The following RNF19A variants were observed in gnomAD, a reference collection of about 807,000 sequenced individuals.
The protein encoded by RNF19A is E3 ubiquitin-protein ligase RNF19A.
RNF19A carries 32 observed loss-of-function variants against 75.7 expected under a neutral mutation model. The observed-to-expected ratio is 0.42, with a 90% CI of 0.32 to 0.57. The LOEUF is 0.57. Among genes scored for constraint, RNF19A ranks in the 20% least tolerant of loss-of-function variants. The pLI is 0.10. For missense variants in RNF19A, 782 were observed against 1,036.3 expected (o/e 0.75, Z 3.37); for synonymous variants, 335 against 345.2 (o/e 0.97, Z 0.33).
rs1476596116 is a variant in RNF19A at position 100,322,755 on chromosome 8, T to C, written c.-242-9383A>G. Among the ~76,000 whole-genome samples, 1 of 152,214 alleles carries C rather than the reference T, an allele frequency of 6.6e-6. No homozygotes were observed. Among genetic ancestry groups the C allele is most frequent in the East Asian group, 1.9e-4 (1 of 5,204 alleles). On this transcript the variant is annotated intron_variant, in intron 1 of 3. Coordinates refer to the RNF19A transcript ENST00000519527. The surrounding 1 kb of genome is among the most constrained non-coding windows in gnomAD (Gnocchi z 5.1). ...TAGATGTCATTGTAGGGTTACTAACTGGCCTAATTTCAAGATTGTGTTTCC... is the reference window on the plus strand; with the variant it reads ...TAGATGTCATTGTAGGGTTACTAACCGGCCTAATTTCAAGATTGTGTTTCC...
intron 2 of RNF19A, among the ~76,000 whole-genome samples, chr8:100,280,842 T>C (rs1264437147): frequency 6.6e-6 from 1 of 152,248 alleles, no homozygotes; most frequent in East Asian, 1.9e-4. Context: ...ATGACGTTCC[T>C]TTTGTGGGAG....
chr8:100,302,384 A>G (rs961425356), intron 1 of RNF19A, among the ~76,000 whole-genome samples: 1 of 152,236 alleles, frequency 6.6e-6, no homozygotes, highest in Admixed American at 6.5e-5. Context: ...CTGATTAATC[A>G]GAAGGCTGAA....
At chr8:100,276,192 G>A (rs1820500848) in intron 2 of RNF19A, among the ~76,000 whole-genome samples, 1 of 152,142 alleles carries the variant, frequency 6.6e-6, no homozygotes, top group African/African-American at 2.4e-5. Flanking sequence ...AAACTGGAAT[G>A]AGCCCAGATG....
Position 100,322,518 on chromosome 8 carries a change from A to T in RNF19A, c.-242-9146T>A, listed in dbSNP as rs1822477734. Among the ~76,000 whole-genome samples, 1 of 152,266 alleles carries T rather than the reference A, an allele frequency of 6.6e-6. No homozygotes were observed. The highest frequency in any genetic ancestry group is 2.4e-5 in the African/African-American group (1 of 41,476). On this transcript the variant is annotated intron_variant, in intron 1 of 3. Transcript: ENST00000519527. This position sits in a 1 kb window ranked among gnomAD's most constrained non-coding sequence, Gnocchi z 5.1. ...CATTTAAACTTTCTCCAAATTAGCA[A>T]TAAGGCTGTTTCATTTATGAGTTCA...
In RNF19A at chr8:100,268,775, T is replaced by C; in HGVS notation, c.1191+10A>G. ...TAAGATAATGGACTAACAAGAAGTATGCATTTTACCTTGCGGCCCACATAC... is the reference window on the plus strand; with the variant it reads ...TAAGATAATGGACTAACAAGAAGTACGCATTTTACCTTGCGGCCCACATAC... On this transcript the variant is annotated intron_variant, in intron 5 of 9. Coordinates refer to ENST00000341084, the MANE Select transcript of RNF19A (RefSeq NM_183419.4). The C allele has an allele frequency of 1.3e-6, 2 of 1,525,848 alleles. No homozygotes were observed. Among genetic ancestry groups the C allele is most frequent in the Non-Finnish European group, 8.9e-7 (1 of 1,128,964 alleles). 94.5% of individuals were successfully genotyped at this position (1,525,848 alleles called of 1,614,324 possible). A position where few individuals can be genotyped will look rare whatever the true frequency, so the allele number is the denominator to read the frequency against.
intron 1 of RNF19A, among the ~76,000 whole-genome samples, chr8:100,335,901 C>T (rs958228839): frequency 1.3e-5 from 2 of 152,210 alleles, no homozygotes; most frequent in Admixed American, 1.3e-4. Flanking sequence ...AGAGCCCACA[C>T]GTGACCCAAA....
intron 1 of RNF19A, among the ~76,000 whole-genome samples, chr8:100,299,778 A>G (rs1466079826): frequency 6.6e-6 from 1 of 152,164 alleles, no homozygotes; most frequent in African/African-American, 2.4e-5. Context: ...AAAAGAAAAA[A>G]AAAAGTATTA....
At chr8:100,297,164 A>C (rs1051617166) in intron 1 of RNF19A, among the ~76,000 whole-genome samples, 3 of 152,266 alleles carry the variant, frequency 2.0e-5, no homozygotes, top group Non-Finnish European at 2.9e-5. Flanking sequence ...ATCTATTTAA[A>C]GTCTATTAAT....
intron 1 of RNF19A, among the ~76,000 whole-genome samples, chr8:100,319,129 A>G (rs963016238): frequency 6.6e-6 from 1 of 152,254 alleles, no homozygotes; most frequent in Non-Finnish European, 1.5e-5. Context: ...GGAGTTTCCA[A>G]GACTCAAAGA....
At chr8:100,334,368 G>A (rs944755441) in intron 1 of RNF19A, among the ~76,000 whole-genome samples, 3 of 152,148 alleles carry the variant, frequency 2.0e-5, no homozygotes, top group African/African-American at 4.8e-5. Context: ...GGTAAGGCTC[G>A]ATAAACTGCT....
In RNF19A at chr8:100,264,339, T is replaced by A. The variant is rs1022336507; in HGVS notation, c.1307-144A>T. On this transcript the variant is annotated intron_variant, in intron 6 of 9. Transcript: ENST00000341084. This position sits in a 1 kb window ranked among gnomAD's most constrained non-coding sequence, Gnocchi z 4.7. The stretch of plus-strand genomic sequence containing the variant: ...AGTTGGCTGGAACATTTGCCAAAAG[T>A]AGATTTACCCAGTTGTTAAGCAAAT... 2 of 704,814 alleles carry A rather than the reference T, an allele frequency of 2.8e-6. No homozygotes were observed. The highest frequency in any genetic ancestry group is 2.7e-5 in the East Asian group (1 of 36,540). 43.7% of individuals were successfully genotyped at this position (704,814 alleles called of 1,614,324 possible).
Position 100,261,591 on chromosome 8 carries a change from T to G in RNF19A, c.1633A>C (p.Ser545Arg). Reference protein sequence around the residue: ...TASTMALAGASITGSLSGSAM... With the variant: ...TASTMALAGARITGSLSGSAM... ...CTTCCTGACAGACTCCCCGTTATAC[T>G]GGCTCCAGCTAGTGCCATGGTGCTG... Residue 545 changes from serine (S) to arginine (R), a missense_variant, in exon 8 of 10, where the codon AGT becomes CGT. Ser to Arg is a moderately radical substitution (Grantham distance 110). Around this residue, in one of 7 missense-constraint regions of RNF19A, gnomAD observed 442 missense variants for 541.6 expected, o/e 0.82. Coordinates refer to ENST00000341084, the MANE Select transcript of RNF19A (RefSeq NM_183419.4). The surrounding 1 kb of genome is among the most constrained non-coding windows in gnomAD (Gnocchi z 4.4). The G allele has an allele frequency of 1.2e-6, 2 of 1,614,132 alleles. No individual in the cohort carries two copies. The highest frequency in any genetic ancestry group is 2.2e-5 in the South Asian group (2 of 91,076).
intron 1 of RNF19A, among the ~76,000 whole-genome samples, chr8:100,328,267 G>A (rs965852977): frequency 2.0e-5 from 3 of 152,156 alleles, no homozygotes; most frequent in South Asian, 2.1e-4. Context: ...TTAGGACCTC[G>A]TGGCAGTGTT....
At position 100,324,075 on chromosome 8, in the gene RNF19A, A is replaced by T. The variant is rs774579617; in HGVS notation, c.-242-10703T>A. 1.6e-4 allele frequency among the ~76,000 whole-genome samples: 25 copies of T among 152,218 alleles called. No individual in the cohort carries two copies. Among genetic ancestry groups the T allele is most frequent in the Non-Finnish European group, 2.8e-4 (19 of 68,042 alleles). On this transcript the variant is annotated intron_variant, in intron 1 of 3. Coordinates refer to the RNF19A transcript ENST00000519527. This position sits in a 1 kb window ranked among gnomAD's most constrained non-coding sequence, Gnocchi z 4.2. ...ATGAGGGAAAAACTGAACAATTACT[A>T]CAGAGCTGTGATTTTGAGATGACTT... is the stretch of plus-strand genomic sequence containing the variant.
At position 100,332,206 on chromosome 8, in the gene RNF19A, A is replaced by C. The variant is rs1456563740; in HGVS notation, c.-243+3902T>G. Among the ~76,000 whole-genome samples, 1 of 152,082 alleles carries C rather than the reference A, an allele frequency of 6.6e-6. No individual in the cohort carries two copies. The highest frequency in any genetic ancestry group is 1.5e-5 in the Non-Finnish European group (1 of 68,014). ...TGGTTTGGCTCTGTGTCCCCATGTA[A>C]ATCTTATCTTGAATTGTAATCCCCA... On this transcript the variant is annotated intron_variant, in intron 1 of 3. Transcript: ENST00000519527. The surrounding 1 kb of genome is among the most constrained non-coding windows in gnomAD (Gnocchi z 4.8).
At chr8:100,327,241 A>ACTT (rs1180574032) in intron 1 of RNF19A, among the ~76,000 whole-genome samples, 4 of 116,368 alleles carry the variant, frequency 3.4e-5, no homozygotes, top group Non-Finnish European at 7.0e-5. Context: ...TTCAGCAATT[A>ACTT]CTTCTTTTTT....
At chr8:100,309,383 C>G (rs1265466334) in intron 1 of RNF19A, 2 of 985,772 alleles carry the variant, frequency 2.0e-6, no homozygotes, top group African/African-American at 1.7e-5. Flanking sequence ...TGCAGCGAGG[C>G]CCGGAAATCG....
At chr8:100,280,733 C>T (rs16898173) in intron 2 of RNF19A, among the ~76,000 whole-genome samples, 8,864 of 152,192 alleles carry the variant, frequency 0.058, 856 homozygotes, top group African/African-American at 0.2. Context: ...GTATTCAATC[C>T]TAACCATAAC....
upstream of RNF19A, among the ~76,000 whole-genome samples, chr8:100,312,010 A>C (rs1822307021): frequency 6.6e-6 from 1 of 152,194 alleles, no homozygotes; most frequent in African/African-American, 2.4e-5. Context: ...CCTCAGATTC[A>C]GGCTGTCCAA....
Sources: allele counts gnomAD v4.1 joint callset (sites outside exome capture counted in the v4.1 genomes callset), GRCh38; gene constraint gnomAD v4.1.1; regional missense constraint gnomAD v4.1.1; non-coding constraint Gnocchi (gnomAD v3.1); transcripts MANE v1.5; gene names NCBI Gene and HGNC (gene_info 2026-07-23, HGNC 2026-07-21).